The following CROCC2 variants were observed in gnomAD, a reference collection of about 807,000 sequenced individuals.
CROCC2 encodes the protein ciliary rootlet coiled-coil, rootletin family member 2.
In CROCC2, 163 loss-of-function variants were observed where a neutral mutation model predicts 177.6. That is an observed-to-expected ratio of 0.92 (90% CI 0.81 to 1.05). The LOEUF is 1.05. CROCC2 is among the 50% of genes least tolerant of loss of function. The pLI, the probability that CROCC2 is intolerant of heterozygous loss-of-function variation, is 0.00. For synonymous variants in CROCC2, 904 were observed against 787.3 expected, an observed-to-expected ratio of 1.15 and a Z score of -2.48; for missense variants, 1,929 against 1,797.8, an observed-to-expected ratio of 1.07 and a Z score of -1.32.
intron 28 of CROCC2, among the ~76,000 whole-genome samples, chr2:240,984,385 G>A (rs1430861391): frequency 6.6e-6 from 1 of 151,984 alleles, no homozygotes; most frequent in African/African-American, 2.4e-5. Context: ...CCAATAAAGA[G>A]GAAATGGCAT....
intron 1 of CROCC2, among the ~76,000 whole-genome samples, chr2:240,916,810 GA>G (rs1306775435): frequency 6.6e-6 from 1 of 152,238 alleles, no homozygotes; most frequent in Non-Finnish European, 1.5e-5. Flanking sequence ...CAGTCTGGGG[GA>G]TTGAGCGGAG....
At chr2:240,971,968 C>T (rs1375199692) in intron 27 of CROCC2, among the ~76,000 whole-genome samples, 1 of 152,104 alleles carries the variant, frequency 6.6e-6, no homozygotes, top group Non-Finnish European at 1.5e-5. Flanking sequence ...GATTGTCCAC[C>T]TCAAGACCCC....
chr2:240,951,135 T>TCATC (rs149333371), intron 18 of CROCC2, among the ~76,000 whole-genome samples: 3,978 of 132,300 alleles, frequency 0.03, 136 homozygotes, highest in East Asian at 0.17. Context: ...ATCCACCTGT[T>TCATC]CATCCATCCA....
chr2:240,989,089 CTTGAG>C lies in CROCC2; in HGVS notation c.4683+220_4683+224del, dbSNP rs748007100. Among the ~76,000 whole-genome samples, 608 of 152,284 alleles carry C rather than the reference CTTGAG, an allele frequency of 4.0e-3. 5 individuals are homozygous for C. Among genetic ancestry groups the C allele is most frequent in the Admixed American group, 7.8e-3 (120 of 15,312 alleles). The stretch of plus-strand genomic sequence containing the variant: ...ACCAGGACCCAAGGCTCCTGCCCTT[CTTGAG>C]ACATTGAAGTCCCCATGGGAGCCAG... On this transcript the variant is annotated intron_variant, in intron 29 of 31. Transcript: ENST00000690015.
chr2:240,976,222 C>G (rs1198284211), intron 27 of CROCC2, among the ~76,000 whole-genome samples: 1 of 133,124 alleles, frequency 7.5e-6, no homozygotes, highest in African/African-American at 2.8e-5. Flanking sequence ...CTCTGGAGCC[C>G]AGGCTCATCC....
chr2:240,985,727 T>G (rs1463119792), intron 28 of CROCC2, among the ~76,000 whole-genome samples: 2 of 42,066 alleles, frequency 4.8e-5, no homozygotes, highest in African/African-American at 1.0e-4. Context: ...ACCCAGGCAC[T>G]CACTCCACAC....
intron 31 of CROCC2, among the ~76,000 whole-genome samples, chr2:240,992,454 C>T (rs907925459): frequency 6.6e-6 from 1 of 152,220 alleles, no homozygotes; most frequent in African/African-American, 2.4e-5. Flanking sequence ...ACCTGGTTTT[C>T]TGGTGGATTT....
Position 240,932,902 on chromosome 2 carries a change from G to A in CROCC2, c.1245G>A (p.Arg415=), listed in dbSNP as rs1170725893. ...CAGCCATAGAGAGGCGGTGGCGGCG[G>A]GAACAGGTGGGCAGCCGCAGCCCAC... is the stretch of plus-strand genomic sequence containing the variant. The part of the protein sequence containing the change: ...MRAAIERRWR[R]EQELCLQLKS... The change falls in exon 9 of 32, where the codon CGG becomes CGA. Residue 415 remains arginine, a synonymous_variant. Coordinates refer to ENST00000690015, the MANE Select transcript of CROCC2 (RefSeq NM_001351305.2). 7.1e-6 allele frequency: 11 copies of A among 1,545,644 alleles called. No individual in the cohort carries two copies. Among genetic ancestry groups the A allele is most frequent in the Non-Finnish European group, 1.7e-6 (2 of 1,146,234 alleles).
chr2:240,938,316 C>T (rs997293123), intron 14 of CROCC2, among the ~76,000 whole-genome samples: 1 of 152,208 alleles, frequency 6.6e-6, no homozygotes, highest in Non-Finnish European at 1.5e-5. Context: ...GTTTTTCCAG[C>T]ACCATTTTTT....
chr2:240,940,713 A>G (rs369302709), intron 14 of CROCC2, among the ~76,000 whole-genome samples: 1 of 152,226 alleles, frequency 6.6e-6, no homozygotes, highest in South Asian at 2.1e-4. Flanking sequence ...AATAAAAGCC[A>G]TCTATGACAA....
chr2:240,992,934 G>A, intron 31 of CROCC2, 132 bp from the exon 32 acceptor site: 1 of 628,620 alleles, frequency 1.6e-6, no homozygotes, highest in East Asian at 2.9e-5. Context: ...GGGCGGGAGG[G>A]AGGAACAGAA....
intron 27 of CROCC2, among the ~76,000 whole-genome samples, chr2:240,975,862 T>A (rs2059758788): frequency 6.6e-6 from 1 of 151,676 alleles, no homozygotes; most frequent in Non-Finnish European, 1.5e-5. Context: ...CCCAAGTAGC[T>A]GAGATTACAG....
intron 15 of CROCC2, among the ~76,000 whole-genome samples, chr2:240,947,678 A>C (rs774125182): frequency 1.3e-5 from 2 of 152,146 alleles, no homozygotes; most frequent in Non-Finnish European, 2.9e-5. Context: ...CTTGCTTCTG[A>C]TGAGGCCTCC....
intron 20 of CROCC2, chr2:240,963,297 G>A (rs1341938233): frequency 8.0e-6 from 4 of 500,458 alleles, no homozygotes; most frequent in South Asian, 3.8e-5. Flanking sequence ...CAGAGAGGCC[G>A]CAGCGTGGGG....
chr2:240,909,576 G>A (rs928288126), intron 1 of CROCC2, among the ~76,000 whole-genome samples: 3 of 152,230 alleles, frequency 2.0e-5, no homozygotes, highest in African/African-American at 7.2e-5. Context: ...GTGGTTAGCG[G>A]CTGGTCTGAG....
chr2:240,939,236 T>A (rs866138853), intron 14 of CROCC2, among the ~76,000 whole-genome samples: 2 of 152,194 alleles, frequency 1.3e-5, no homozygotes, highest in South Asian at 4.1e-4. Flanking sequence ...TTCTGCTAAA[T>A]TCTTTTTCTG....
chr2:240,957,194 C>CCA (rs2059596627), intron 19 of CROCC2, among the ~76,000 whole-genome samples: 2 of 152,294 alleles, frequency 1.3e-5, no homozygotes, highest in African/African-American at 4.8e-5. Context: ...CCCTCCCTGG[C>CCA]CACACACACC....
In CROCC2 at chr2:240,966,088, G is replaced by A. The variant is rs1292861277; in HGVS notation, c.3961+95G>A. ...AGGCCTCACAACTCACACAGTGAGG[G>A]ACTCGGACAGGCAATTGTAGGAACC... On this transcript the variant is annotated intron_variant, in intron 24 of 31. Transcript: ENST00000690015. 3 of 1,276,042 alleles carry A rather than the reference G, an allele frequency of 2.4e-6. No homozygotes were observed. The Admixed American group carries it at 1.1e-4, about 47-fold the overall frequency. The allele number at this position is 1,276,042 out of a possible 1,614,324, so 79.0% of individuals were successfully genotyped here.
Position 240,959,367 on chromosome 2 carries a change from GC to G in CROCC2, c.3013del (p.His1005IlefsTer15). On this transcript the variant is annotated frameshift_variant, in exon 20 of 32. Transcript: ENST00000690015. LOFTEE classifies it high-confidence loss of function. ...GGCCCAGTTTGAGGATGCCATCACA[GC>G]CCATCAGAGGGAGACCACGGCCCTA... The part of the protein sequence containing the change: ...LQAQFEDAIT[A>X]HQRETTALRE... The G allele has an allele frequency of 6.4e-7, 1 of 1,550,614 alleles. No homozygotes were observed. Among genetic ancestry groups the G allele is most frequent in the Non-Finnish European group, 8.7e-7 (1 of 1,146,980 alleles).
Sources: gnomAD v4.1 joint callset for allele counts (sites outside exome capture counted in the v4.1 genomes callset) on GRCh38, gnomAD v4.1.1 for gene constraint, MANE v1.5 for transcripts, NCBI Gene and HGNC (gene_info 2026-07-23, HGNC 2026-07-21) for gene names.